The following AIMP2 variants were observed in gnomAD, a reference collection of about 807,000 sequenced individuals.
AIMP2 encodes the protein aminoacyl tRNA synthetase complex interacting multifunctional protein 2.
AIMP2 carries 20 observed loss-of-function variants against 23.4 expected under a neutral mutation model. The ratio of observed to expected loss-of-function variants is 0.85; its 90% confidence interval spans 0.60 to 1.24. The LOEUF (loss-of-function observed/expected upper bound fraction) is 1.24. AIMP2 is among the 50% of genes most tolerant of loss of function. The pLI is 0.00. For missense variants in AIMP2, 515 were observed against 414.5 expected (o/e 1.24, Z -2.10); for synonymous variants, 210 against 170.4 (o/e 1.23, Z -1.81).
At chr7:6,020,382 C>CT (rs768947153) in intron 3 of AIMP2, among the ~76,000 whole-genome samples, 11 of 152,204 alleles carry the variant, frequency 7.2e-5, no homozygotes, top group South Asian at 6.2e-4. Flanking sequence ...GATCACACCA[C>CT]TATACTCCAG....
chr7:6,013,045 G>A (rs1786789231), intron 1 of AIMP2: 2 of 861,886 alleles, frequency 2.3e-6, no homozygotes, highest in Non-Finnish European at 2.8e-6. Flanking sequence ...GGAGGGAACA[G>A]CACATGTGAA....
intron 1 of AIMP2, among the ~76,000 whole-genome samples, chr7:6,010,268 A>C (rs1786551789): frequency 6.6e-6 from 1 of 151,832 alleles, no homozygotes; most frequent in Non-Finnish European, 1.5e-5. Context: ...AGGAATTACA[A>C]AGCGAACCCC....
intron 3 of AIMP2, among the ~76,000 whole-genome samples, chr7:6,019,585 G>A (rs1395681995): frequency 6.6e-6 from 1 of 151,848 alleles, no homozygotes; most frequent in Non-Finnish European, 1.5e-5. Context: ...CTTACAAAGT[G>A]TCTCTTGTGA....
At chr7:6,012,677 A>G in intron 1 of AIMP2, 1 of 390,148 alleles carries the variant, frequency 2.6e-6, no homozygotes, top group Non-Finnish European at 5.1e-6. Flanking sequence ...CTCCTGCCTT[A>G]GCCTCTCCAG....
At chr7:6,015,387 T>A in intron 2 of AIMP2, 35 bp downstream of exon 2, 1 of 1,603,458 alleles carries the variant, frequency 6.2e-7, no homozygotes, top group Non-Finnish European at 8.5e-7. Flanking sequence ...CGTTAGTAGG[T>A]ACTGAGTGGT....
rs374046815 is a variant in AIMP2 at position 6,015,263 on chromosome 7, G to A, written c.253G>A (p.Ala85Thr). The change falls in exon 2 of 4, where the codon GCA (alanine) becomes ACA (threonine). Residue 85 changes from alanine to threonine, a missense_variant. Coordinates refer to ENST00000223029, the MANE Select transcript of AIMP2 (RefSeq NM_006303.4). ...CTCCAAGATGATTCAAACACCAGAT[G>A]CAGACTTGGATGTAACCAACATAAT... ...GLSKMIQTPD[A>T]DLDVTNIIQA... is the part of the protein sequence containing the mutation. 106 of 1,614,098 alleles carry A rather than the reference G, an allele frequency of 6.6e-5. No individual in the cohort carries two copies. Among genetic ancestry groups the A allele is most frequent in the Admixed American group, 4.0e-4 (24 of 60,000 alleles).
At chr7:6,011,583 T>A (rs1369520920) in intron 1 of AIMP2, among the ~76,000 whole-genome samples, 2 of 152,212 alleles carry the variant, frequency 1.3e-5, no homozygotes, top group African/African-American at 4.8e-5. Context: ...TTGTTATCCT[T>A]CTGTTTTCTT....
At chr7:6,018,329 T>C (rs1787161832) in intron 3 of AIMP2, among the ~76,000 whole-genome samples, 2 of 150,458 alleles carry the variant, frequency 1.3e-5, no homozygotes, top group African/African-American at 4.9e-5. Context: ...TTTATATTTT[T>C]AGTAGAGACG....
At chr7:6,011,756 C>A (rs1212950799) in intron 1 of AIMP2, among the ~76,000 whole-genome samples, 5 of 152,184 alleles carry the variant, frequency 3.3e-5, no homozygotes, top group Admixed American at 3.3e-4. Context: ...CCTCCAACTG[C>A]ACAGTCCCAT....
intron 1 of AIMP2, among the ~76,000 whole-genome samples, chr7:6,012,252 C>CAA (rs144366351): frequency 6.1e-5 from 7 of 114,012 alleles, no homozygotes; most frequent in South Asian, 2.7e-4. Context: ...AACCCTGTCT[C>CAA]AAAAAAAAAA....
At chr7:6,022,422 C>T (rs1787491894) in intron 3 of AIMP2, 1 of 152,070 alleles carries the variant, frequency 6.6e-6, no homozygotes, top group Admixed American at 6.6e-5. Context: ...GCACAGCAGT[C>T]GGGGGTCAGT....
chr7:6,015,680 C>T (rs939276594), intron 2 of AIMP2, among the ~76,000 whole-genome samples: 35 of 152,210 alleles, frequency 2.3e-4, no homozygotes, highest in African/African-American at 8.0e-4. Flanking sequence ...GCGGAGATCG[C>T]GCCACTACAC....
rs2128883740 is a variant in AIMP2, at chr7:6,023,814, A to G, written c.*123A>G. 6.4e-7 allele frequency: 1 copy of G among 1,573,960 alleles called. No individual in the cohort carries two copies. Among genetic ancestry groups the G allele is most frequent in the Non-Finnish European group, 8.6e-7 (1 of 1,158,388 alleles). ...TATTTAGGCCAGTTGTCAAGTGTCA[A>G]TAAAAGCATCATGTAATTTATGGTT... On this transcript the variant is annotated 3_prime_UTR_variant, in exon 4 of 4. Transcript: ENST00000223029.
intron 1 of AIMP2, among the ~76,000 whole-genome samples, chr7:6,011,017 T>C (rs2128875671): frequency 6.6e-6 from 1 of 152,300 alleles, no homozygotes; most frequent in East Asian, 1.9e-4. Context: ...TATTGTAATA[T>C]CAGAAGTATT....
rs189587013 is a variant in AIMP2 at position 6,023,589 on chromosome 7, G to C, written c.861G>C (p.Gln287His). The C allele has an allele frequency of 8.7e-6, 14 of 1,614,216 alleles. No homozygotes were observed. The East Asian group carries it at 2.7e-4, about 31-fold the overall frequency. The change falls in exon 4 of 4, where the codon CAG becomes CAC. Residue 287 changes from glutamine (Q) to histidine (H), a missense_variant. Coordinates refer to ENST00000223029, the MANE Select transcript of AIMP2 (RefSeq NM_006303.4). ...ADVVLWSVLQ[Q>H]IGGCSVTVPA... The stretch of plus-strand genomic sequence containing the variant: ...TGGTGCTGTGGTCTGTACTCCAGCA[G>C]ATCGGAGGCTGCAGTGTGACAGTGC...
chr7:6,010,909 C>G (rs1366925184), intron 1 of AIMP2, among the ~76,000 whole-genome samples: 1 of 151,988 alleles, frequency 6.6e-6, no homozygotes, highest in African/African-American at 2.4e-5. Context: ...ACAGGCGATC[C>G]TCTAACCCCA....
At chr7:6,018,710 T>C (rs1787189538) in intron 3 of AIMP2, among the ~76,000 whole-genome samples, 1 of 151,690 alleles carries the variant, frequency 6.6e-6, no homozygotes, top group Admixed American at 6.6e-5. Context: ...AGCAGGCGCC[T>C]GTAATCCCAG....
In AIMP2 at chr7:6,017,985, C is replaced by G; in HGVS notation, c.514C>G (p.Gln172Glu). Residue 172 changes from glutamine to glutamate, a missense_variant, in exon 3 of 4, where the codon CAG becomes GAG. By Grantham distance (29) the Gln-to-Glu change is conservative. Coordinates refer to ENST00000223029, the MANE Select transcript of AIMP2 (RefSeq NM_006303.4). ...AAACCTTCTCAAGTGCTTTGGAGAA[C>G]AGAATAAAAAACAGCCCCGCCAAGA... ...PENLLKCFGE[Q>E]NKKQPRQDYQ... 1 of 1,613,934 alleles carries G rather than the reference C, an allele frequency of 6.2e-7. No individual in the cohort carries two copies. The highest frequency in any genetic ancestry group is 8.5e-7 in the Non-Finnish European group (1 of 1,179,980).
chr7:6,009,974 A>AAAAAAAAAAAATATAT, intron 1 of AIMP2, among the ~76,000 whole-genome samples: 1 of 26,662 alleles, frequency 3.8e-5, no homozygotes, highest in Non-Finnish European at 6.8e-5. Flanking sequence ...AAAAAAAAAA[A>AAAAAAAAAAAATATAT]ATATATATAT....
Sources: allele counts gnomAD v4.1 joint callset (sites outside exome capture counted in the v4.1 genomes callset), GRCh38; gene constraint gnomAD v4.1.1; transcripts MANE v1.5; gene names NCBI Gene and HGNC (gene_info 2026-07-23, HGNC 2026-07-21).